Variants in RXFP1 observed in about 807,000 individuals in gnomAD.
The protein encoded by RXFP1 is relaxin family peptide receptor 1.
RXFP1 carries 73 observed loss-of-function variants against 89.8 expected under a neutral mutation model. The observed-to-expected ratio is 0.81, with a 90% confidence interval of 0.67 to 0.99. RXFP1 has a LOEUF of 0.99. RXFP1 is among the 50% of genes least tolerant of loss of function. RXFP1 has a pLI of 0.00. For missense variants in RXFP1, 793 were observed against 895.5 expected (o/e 0.89, Z 1.46); for synonymous variants, 277 against 305.5 (o/e 0.91, Z 0.97).
intron 1 of RXFP1, among the ~76,000 whole-genome samples, chr4:158,546,797 G>A (rs979015629): frequency 6.6e-6 from 1 of 151,852 alleles, no homozygotes; most frequent in African/African-American, 2.4e-5. Context: ...CAGGGATGAA[G>A]CCCACTTGAT....
intron 14 of RXFP1, among the ~76,000 whole-genome samples, chr4:158,640,892 G>A (rs1270165493): frequency 1.3e-5 from 2 of 152,234 alleles, no homozygotes; most frequent in Non-Finnish European, 2.9e-5. Flanking sequence ...GTGCATGGAT[G>A]AAATGGTAAA....
Position 158,630,773 on chromosome 4 carries a change from A to G in RXFP1, c.899+2064A>G, listed in dbSNP as rs543003011. Reference sequence around the variant, plus strand: ...CCAGGACAAAAATAGCATGTTTTCTAAGAGTCGATGGCTTTCATTGGATGA... The same window carrying G: ...CCAGGACAAAAATAGCATGTTTTCTGAGAGTCGATGGCTTTCATTGGATGA... On this transcript the variant is annotated intron_variant, in intron 11 of 17. Transcript: ENST00000307765. Among the ~76,000 whole-genome samples the G allele has an allele frequency of 4.6e-5, 7 of 152,320 alleles. No homozygotes were observed. In the South Asian group the frequency reaches 1.4e-3, roughly 32 times the overall value.
At chr4:158,523,874 CA>C (rs1450351118) in intron 1 of RXFP1, among the ~76,000 whole-genome samples, 1 of 152,164 alleles carries the variant, frequency 6.6e-6, no homozygotes, top group Non-Finnish European at 1.5e-5. Context: ...GTAAATGCCC[CA>C]TGGTTGTTGT....
chr4:158,569,380 T>C (rs1457229240), intron 1 of RXFP1, among the ~76,000 whole-genome samples: 2 of 152,200 alleles, frequency 1.3e-5, no homozygotes, highest in African/African-American at 4.8e-5. Flanking sequence ...TCCAAACCCA[T>C]AGAATGTATA....
chr4:158,648,349 C>G (rs1196231838), intron 16 of RXFP1, 150 bp from the exon 17 acceptor site: 1 of 497,876 alleles, frequency 2.0e-6, no homozygotes, highest in Non-Finnish European at 3.3e-6. Flanking sequence ...TTTAGTAATT[C>G]TTTGTGAAGA....
At chr4:158,640,659 G>A (rs1770201448) in intron 14 of RXFP1, among the ~76,000 whole-genome samples, 1 of 152,078 alleles carries the variant, frequency 6.6e-6, no homozygotes. Context: ...CTCCTACTGG[G>A]CCCCACCTCC....
intron 2 of RXFP1, among the ~76,000 whole-genome samples, chr4:158,575,562 A>G (rs988496431): frequency 2.0e-5 from 3 of 152,152 alleles, no homozygotes; most frequent in African/African-American, 7.2e-5. Context: ...AGGTCATAAG[A>G]GTGGATTAGC....
intron 2 of RXFP1, among the ~76,000 whole-genome samples, chr4:158,579,096 G>C (rs1680192103): frequency 6.6e-6 from 1 of 150,746 alleles, no homozygotes; most frequent in Admixed American, 6.6e-5. Context: ...TGTGAAGACA[G>C]AGGCAGAGAC....
In RXFP1 at chr4:158,592,935, A is replaced by G. The variant is rs1383507214; in HGVS notation, c.188-466A>G. Among the ~76,000 whole-genome samples the G allele has an allele frequency of 2.6e-5, 4 of 151,912 alleles. No individual in the cohort carries two copies. The East Asian group carries it at 5.8e-4, about 22-fold the overall frequency. On this transcript the variant is annotated intron_variant, in intron 2 of 17. Transcript: ENST00000307765. Reference sequence around the variant, plus strand: ...AAACCCCATCTCTACTAAAAAAAAAAAAATTAACCAGATGTGGTGTCAAGT... The same window carrying G: ...AAACCCCATCTCTACTAAAAAAAAAGAAATTAACCAGATGTGGTGTCAAGT...
At chr4:158,557,337 G>A (rs552693618) in intron 1 of RXFP1, among the ~76,000 whole-genome samples, 3 of 152,284 alleles carry the variant, frequency 2.0e-5, no homozygotes, top group Non-Finnish European at 2.9e-5. Context: ...ATGTGTTGGA[G>A]TAGTTTTTCA....
intron 1 of RXFP1, among the ~76,000 whole-genome samples, chr4:158,549,038 C>T (rs1200486486): frequency 6.6e-6 from 1 of 151,764 alleles, no homozygotes; most frequent in Non-Finnish European, 1.5e-5. Flanking sequence ...TAATATCCTG[C>T]AGAGTGTTTT....
rs370004273 is a variant in RXFP1, at chr4:158,645,510, A to G, written c.1345+372A>G. ...GACCTATACTTACTTTTTTATGTGT[A>G]TGTCCAGTTCACAGATATTGACTTA... On this transcript the variant is annotated intron_variant, in intron 15 of 17. Coordinates refer to ENST00000307765, the MANE Select transcript of RXFP1 (RefSeq NM_021634.4). Among the ~76,000 whole-genome samples, 34 of 152,296 alleles carry G rather than the reference A, an allele frequency of 2.2e-4. No homozygotes were observed. The East Asian group carries it at 6.0e-3, about 27-fold the overall frequency.
At chr4:158,588,172 G>T (rs1386478778) in intron 2 of RXFP1, among the ~76,000 whole-genome samples, 1 of 151,662 alleles carries the variant, frequency 6.6e-6, no homozygotes, top group Non-Finnish European at 1.5e-5. Flanking sequence ...TTTTTTTTAG[G>T]CAACCACAAA....
intron 1 of RXFP1, among the ~76,000 whole-genome samples, chr4:158,565,075 G>GTGCC (rs1753272682): frequency 6.6e-6 from 1 of 152,170 alleles, no homozygotes; most frequent in South Asian, 2.1e-4. Context: ...GAGGGGGCTG[G>GTGCC]TGCCTGGTCC....
intron 2 of RXFP1, among the ~76,000 whole-genome samples, chr4:158,582,622 A>G (rs16999138): frequency 0.22 from 33,195 of 152,120 alleles, 5,257 homozygotes; most frequent in African/African-American, 0.44. Flanking sequence ...TCATGCTCAT[A>G]TTTAGGTCCA....
intron 6 of RXFP1, 94 bp from the exon 7 acceptor site, chr4:158,612,035 TA>T: frequency 9.9e-7 from 1 of 1,007,008 alleles, no homozygotes; most frequent in Non-Finnish European, 1.5e-6. Flanking sequence ...GAATGCTATG[TA>T]AAAAATTTAA....
chr4:158,602,526 A>C (rs1027423265), intron 4 of RXFP1, among the ~76,000 whole-genome samples: 4 of 151,484 alleles, frequency 2.6e-5, no homozygotes, highest in African/African-American at 9.8e-5. Flanking sequence ...ATAATCCCTA[A>C]ATAAATGTTA....
rs974493370 is a variant in RXFP1, at chr4:158,566,509, G to A, written c.50-6189G>A. On this transcript the variant is annotated intron_variant, in intron 1 of 17. Transcript: ENST00000307765. ...CTCCCGAGTAGCTGGGATTACAGGC[G>A]CCCGCCATCACACCCAGCTAACCTT... Among the ~76,000 whole-genome samples, 23 of 151,968 alleles carry A rather than the reference G, an allele frequency of 1.5e-4. No homozygotes were observed. In the East Asian group the frequency reaches 2.5e-3, roughly 17 times the overall value.
At chr4:158,544,713 T>C (rs1747783333) in intron 1 of RXFP1, among the ~76,000 whole-genome samples, 1 of 152,124 alleles carries the variant, frequency 6.6e-6, no homozygotes, top group South Asian at 2.1e-4. Flanking sequence ...TTTTTTGTCC[T>C]TGCAATAGTT....
Sources: gnomAD v4.1 joint callset for allele counts (sites outside exome capture counted in the v4.1 genomes callset) on GRCh38, gnomAD v4.1.1 for gene constraint, MANE v1.5 for transcripts, NCBI Gene and HGNC (gene_info 2026-07-23, HGNC 2026-07-21) for gene names.